G3BP2: variants seen among roughly 807,000 people sequenced by gnomAD.
G3BP2 encodes ras GTPase-activating protein-binding protein 2.
Under a neutral mutation model 56.7 loss-of-function variants are expected in G3BP2, and 11 were observed. That is an observed-to-expected ratio of 0.19 (90% CI 0.12 to 0.32). The LOEUF (loss-of-function observed/expected upper bound fraction) is 0.32, where lower values mean the gene tolerates loss of function less well. Among genes scored for constraint, G3BP2 ranks in the 10% least tolerant of loss-of-function variants. The pLI is 1.00. For synonymous variants in G3BP2, 165 were observed against 191.6 expected (o/e 0.86, Z 1.15); for missense variants, 340 against 610.9 (o/e 0.56, Z 4.67).
At chr4:75,665,014 T>C (rs997786824) in intron 1 of G3BP2, among the ~76,000 whole-genome samples, 1 of 152,026 alleles carries the variant, frequency 6.6e-6, no homozygotes, top group East Asian at 1.9e-4. Context: ...AAATAAAAAG[T>C]CAATTTCCAT....
chr4:75,719,665 A>G (rs1720070220), intron 3 of G3BP2, among the ~76,000 whole-genome samples: 1 of 152,000 alleles, frequency 6.6e-6, no homozygotes, highest in Non-Finnish European at 1.5e-5. Flanking sequence ...ATCCTGGCTC[A>G]CTGCAACCTC....
intron 6 of G3BP2, 40 bp downstream of exon 6, chr4:75,655,726 CAT>C (rs1408768330): frequency 9.8e-7 from 1 of 1,016,166 alleles, no homozygotes; most frequent in Admixed American, 1.8e-5. Flanking sequence ...ACCTTGCTGA[CAT>C]AGTTCAGACC....
At chr4:75,700,375 A>G (rs1719291744) in intron 3 of G3BP2, among the ~76,000 whole-genome samples, 1 of 108,270 alleles carries the variant, frequency 9.2e-6, no homozygotes, top group South Asian at 3.4e-4. Context: ...TTAGCATAGG[A>G]AAAAACCGAA....
chr4:75,644,403 A>T lies in G3BP2; in HGVS notation c.*1027T>A, dbSNP rs1244383292. 1 of 152,650 alleles carries T rather than the reference A, an allele frequency of 6.6e-6. No homozygotes were observed. The highest frequency in any genetic ancestry group is 1.5e-5 in the Non-Finnish European group (1 of 68,030). 9.5% of individuals were successfully genotyped at this position (152,650 alleles called of 1,614,324 possible). On this transcript the variant is annotated 3_prime_UTR_variant, in exon 12 of 12. Coordinates refer to ENST00000359707, the MANE Select transcript of G3BP2 (RefSeq NM_203505.3). Reference sequence around the variant, plus strand: ...ATGCTAGTCCATTTTACTGATTTTAAAGATACTGCAATTTTTATACATTTC... The same window carrying T: ...ATGCTAGTCCATTTTACTGATTTTATAGATACTGCAATTTTTATACATTTC...
chr4:75,673,431 G>A, upstream of G3BP2: 1 of 1,231,720 alleles, frequency 8.1e-7, no homozygotes, highest in Non-Finnish European at 1.0e-6. Flanking sequence ...CTTTGCCACC[G>A]CCCCCTCTTA....
intron 3 of G3BP2, among the ~76,000 whole-genome samples, chr4:75,699,242 T>C (rs1385020899): frequency 6.6e-6 from 1 of 152,186 alleles, no homozygotes; most frequent in Non-Finnish European, 1.5e-5. Context: ...CCTCCTACAA[T>C]ATCCCTCTCT....
intron 3 of G3BP2, among the ~76,000 whole-genome samples, chr4:75,701,917 G>A (rs549384718): frequency 1.1e-4 from 17 of 152,226 alleles, no homozygotes; most frequent in African/African-American, 4.1e-4. Context: ...GAAGGTATTT[G>A]AGCTTCTGGG....
At chr4:75,679,227 A>G (rs1449375818) in intron 3 of G3BP2, among the ~76,000 whole-genome samples, 4 of 152,220 alleles carry the variant, frequency 2.6e-5, no homozygotes, top group Non-Finnish European at 4.4e-5. Flanking sequence ...TTACTTGAGA[A>G]TCCCAGGGCT....
intron 8 of G3BP2, 80 bp from the exon 9 acceptor site, chr4:75,648,821 C>T: frequency 2.7e-6 from 2 of 745,758 alleles, no homozygotes; most frequent in South Asian, 3.1e-5. Flanking sequence ...CGACAAGTCA[C>T]TAGCAGACAT....
intron 3 of G3BP2, among the ~76,000 whole-genome samples, chr4:75,720,013 C>G (rs1202259896): frequency 4.1e-5 from 2 of 49,246 alleles, no homozygotes; most frequent in Non-Finnish European, 8.2e-5. Context: ...GATGGGGGGG[C>G]CCAGAACCCT....
chr4:75,705,286 G>C (rs1051039532), intron 3 of G3BP2, among the ~76,000 whole-genome samples: 3 of 152,198 alleles, frequency 2.0e-5, no homozygotes, highest in African/African-American at 7.2e-5. Flanking sequence ...GCCCACAAAA[G>C]CCTGGGCTGC....
chr4:75,683,242 A>G (rs897031890), intron 3 of G3BP2, among the ~76,000 whole-genome samples: 7 of 152,206 alleles, frequency 4.6e-5, no homozygotes, highest in Admixed American at 3.9e-4. Context: ...ACATGAGATT[A>G]TAACTAGGGC....
intron 1 of G3BP2, among the ~76,000 whole-genome samples, chr4:75,668,379 C>G (rs936859775): frequency 2.0e-5 from 3 of 152,152 alleles, no homozygotes; most frequent in Non-Finnish European, 4.4e-5. Context: ...TGAATCACTA[C>G]TATAATGGGG....
chr4:75,664,766 T>G (rs1274585442), intron 1 of G3BP2, among the ~76,000 whole-genome samples: 1 of 152,012 alleles, frequency 6.6e-6, no homozygotes, highest in Non-Finnish European at 1.5e-5. Context: ...AAAAAATCAC[T>G]TTAACCTGGG....
At chr4:75,709,670 G>T (rs1031359555) in intron 3 of G3BP2, among the ~76,000 whole-genome samples, 3 of 151,996 alleles carry the variant, frequency 2.0e-5, no homozygotes, top group African/African-American at 7.2e-5. Context: ...TTTATTTAAA[G>T]AATGCAGTTG....
chr4:75,664,224 A>G (rs1013913324), intron 1 of G3BP2, among the ~76,000 whole-genome samples: 2 of 143,130 alleles, frequency 1.4e-5, no homozygotes, highest in Admixed American at 1.4e-4. Context: ...TAAAAGTACT[A>G]AAAAAAAAAA....
In G3BP2 at chr4:75,645,183, T is replaced by C. The variant is rs1191349841; in HGVS notation, c.*247A>G. On this transcript the variant is annotated 3_prime_UTR_variant, in exon 12 of 12. Coordinates refer to ENST00000359707, the MANE Select transcript of G3BP2 (RefSeq NM_203505.3). ...TTTAAGTTCACTTTGTCGTAGATAGTTTAAGATATGGTCATTTCTCAGTCC... is the reference window on the plus strand; with the variant it reads ...TTTAAGTTCACTTTGTCGTAGATAGCTTAAGATATGGTCATTTCTCAGTCC... The C allele has an allele frequency of 1.9e-6, 1 of 526,286 alleles. No homozygotes were observed. Among genetic ancestry groups the C allele is most frequent in the African/African-American group, 1.9e-5 (1 of 51,550 alleles). The allele number at this position is 526,286 out of a possible 1,614,324, so 32.6% of individuals were successfully genotyped here. A position where few individuals can be genotyped will look rare whatever the true frequency, so the allele number is the denominator to read the frequency against.
intron 1 of G3BP2, among the ~76,000 whole-genome samples, chr4:75,670,944 G>A (rs1038010402): frequency 1.3e-5 from 2 of 152,096 alleles, no homozygotes; most frequent in African/African-American, 4.8e-5. Context: ...AAAAGCAAAG[G>A]AATACAGCAG....
At chr4:75,672,839 G>T in intron 1 of G3BP2, 1 of 188,888 alleles carries the variant, frequency 5.3e-6, no homozygotes, top group Non-Finnish European at 9.8e-6. Context: ...CAGAAAGCCT[G>T]CTCCCACACT....
Sources: allele counts gnomAD v4.1 joint callset (sites outside exome capture counted in the v4.1 genomes callset), GRCh38; gene constraint gnomAD v4.1.1; transcripts MANE v1.5; gene names NCBI Gene and HGNC (gene_info 2026-07-23, HGNC 2026-07-21).